ZBTB46: variants seen among roughly 807,000 people sequenced by gnomAD.
ZBTB46 encodes the protein zinc finger and BTB domain-containing protein 46.
ZBTB46 carries 8 observed loss-of-function variants against 44.1 expected under a neutral mutation model. The observed-to-expected ratio is 0.18, with a 90% CI of 0.11 to 0.33. ZBTB46 has a LOEUF of 0.33. Ranked by LOEUF, ZBTB46 falls within the 10% of genes least tolerant of loss-of-function variation. ZBTB46 has a pLI of 1.00. For missense variants in ZBTB46, 651 were observed against 847.7 expected, an observed-to-expected ratio of 0.77 and a Z score of 2.88; for synonymous variants, 409 against 382.3, an observed-to-expected ratio of 1.07 and a Z score of -0.81.
intron 3 of ZBTB46, among the ~76,000 whole-genome samples, chr20:63,757,654 G>A (rs2092233088): frequency 6.6e-6 from 1 of 152,122 alleles, no homozygotes; most frequent in African/African-American, 2.4e-5. Context: ...GATCACCTTA[G>A]CCATGTGTAG....
Position 63,747,262 on chromosome 20 carries a change from T to C in ZBTB46, c.1438A>G (p.Ser480Gly). The C allele has an allele frequency of 2.0e-6, 3 of 1,530,810 alleles. No individual in the cohort carries two copies. The highest frequency in any genetic ancestry group is 1.8e-6 in the Non-Finnish European group (2 of 1,139,904). 94.8% of individuals were successfully genotyped at this position (1,530,810 alleles called of 1,614,324 possible). The change falls in exon 5 of 5, where the codon AGC becomes GGC. Residue 480 changes from serine to glycine, a missense_variant. By Grantham distance (56) the Ser-to-Gly change is moderately conservative. Coordinates refer to ENST00000245663, the MANE Select transcript of ZBTB46 (RefSeq NM_001369741.1). ...KDKKYVCKVCSRVFMSAASVG... is the reference protein window; with the variant it reads ...KDKKYVCKVCGRVFMSAASVG... ...CTGGCGGCGGACATGAAGACGCGGC[T>C]GCACACCTTGCACACATACTTCTTG...
intron 4 of ZBTB46, among the ~76,000 whole-genome samples, chr20:63,750,665 G>A (rs2092151787): frequency 6.6e-6 from 1 of 152,078 alleles, no homozygotes; most frequent in African/African-American, 2.4e-5. Flanking sequence ...AGCACTTTGG[G>A]AAGCAGAGGC....
At chr20:63,813,724 G>C (rs914695102) in intron 1 of ZBTB46, among the ~76,000 whole-genome samples, 1 of 152,144 alleles carries the variant, frequency 6.6e-6, no homozygotes, top group Non-Finnish European at 1.5e-5. Context: ...CGCAACTTCA[G>C]GGACATCACC....
At chr20:63,747,322 G>A (rs538926016) in intron 4 of ZBTB46, 21 bp from the exon 5 acceptor site, 29 of 1,436,820 alleles carry the variant, frequency 2.0e-5, no homozygotes, top group Non-Finnish European at 2.7e-5. Flanking sequence ...AGGGCAGGGG[G>A]TGAGCAGGGC....
chr20:63,757,320 G>A (rs6010639), intron 3 of ZBTB46, among the ~76,000 whole-genome samples: 69,824 of 151,952 alleles, frequency 0.46, 17,280 homozygotes, highest in African/African-American at 0.63. Context: ...ACGCGGTTTC[G>A]CCATGTTGGC....
chr20:63,751,133 C>G (rs548748244), intron 4 of ZBTB46, among the ~76,000 whole-genome samples: 1 of 132,568 alleles, frequency 7.5e-6, no homozygotes, highest in Non-Finnish European at 1.6e-5. Flanking sequence ...CCCCTCCCCC[C>G]GCCCCCGCGG....
chr20:63,802,332 A>G (rs1489438777), intron 1 of ZBTB46, among the ~76,000 whole-genome samples: 1 of 152,092 alleles, frequency 6.6e-6, no homozygotes, highest in Non-Finnish European at 1.5e-5. Context: ...CTGAGGCACA[A>G]GAATCACTTG....
chr20:63,809,098 G>GGGA (rs1371802539), intron 1 of ZBTB46, among the ~76,000 whole-genome samples: 3 of 151,908 alleles, frequency 2.0e-5, no homozygotes, highest in Admixed American at 6.6e-5. Flanking sequence ...GCACTCAAGG[G>GGGA]GCTCTCCACG....
chr20:63,782,885 T>C (rs1043316052), intron 2 of ZBTB46, among the ~76,000 whole-genome samples: 16 of 152,246 alleles, frequency 1.1e-4, no homozygotes, highest in African/African-American at 3.6e-4. Flanking sequence ...GGAGGATCGC[T>C]AAGCCCAGGA....
chr20:63,807,463 G>C (rs1170123324), intron 1 of ZBTB46, among the ~76,000 whole-genome samples: 1 of 152,144 alleles, frequency 6.6e-6, no homozygotes, highest in East Asian at 1.9e-4. Context: ...TCCCACCTCA[G>C]CCTCCCCAGT....
rs144918303 is a variant in ZBTB46, at chr20:63,784,390, T to C, written c.937+5431A>G. 2.0e-5 allele frequency among the ~76,000 whole-genome samples: 3 copies of C among 152,356 alleles called. No homozygotes were observed. In the East Asian group the frequency reaches 5.8e-4, roughly 29 times the overall value. On this transcript the variant is annotated intron_variant, in intron 2 of 4. Coordinates refer to ENST00000245663, the MANE Select transcript of ZBTB46 (RefSeq NM_001369741.1). ...CCCCCATCTGGAGCTCCCGCAGTTC[T>C]GATGTACGCTTAAAAATCCCAACAT...
chr20:63,820,501 A>C (rs1260256219), intron 1 of ZBTB46, among the ~76,000 whole-genome samples: 1 of 151,306 alleles, frequency 6.6e-6, no homozygotes, highest in Non-Finnish European at 1.5e-5. Context: ...CAGTGGTGCA[A>C]TCTCGGCTCA....
chr20:63,777,208 G>A (rs187394163), intron 2 of ZBTB46, among the ~76,000 whole-genome samples: 2 of 152,152 alleles, frequency 1.3e-5, no homozygotes, highest in African/African-American at 4.8e-5. Flanking sequence ...CGTGGCTCAC[G>A]CTTCCAGTCC....
At chr20:63,819,615 G>A (rs1183608961) in intron 1 of ZBTB46, among the ~76,000 whole-genome samples, 1 of 152,162 alleles carries the variant, frequency 6.6e-6, no homozygotes, top group African/African-American at 2.4e-5. Flanking sequence ...AGTGTCCCAG[G>A]GGCCAGACCA....
intron 3 of ZBTB46, among the ~76,000 whole-genome samples, chr20:63,765,263 T>C (rs974722017): frequency 6.6e-6 from 1 of 152,122 alleles, no homozygotes; most frequent in African/African-American, 2.4e-5. Context: ...ACAATCTCTA[T>C]CTGTACACTG....
At chr20:63,791,413 G>A (rs1222026726) in intron 1 of ZBTB46, among the ~76,000 whole-genome samples, 7 of 147,894 alleles carry the variant, frequency 4.7e-5, no homozygotes, top group Non-Finnish European at 8.9e-5. Flanking sequence ...GGAGAATGGC[G>A]TGAACCCGGG....
At chr20:63,796,542 A>C (rs1487765904) in intron 1 of ZBTB46, among the ~76,000 whole-genome samples, 1 of 152,254 alleles carries the variant, frequency 6.6e-6, no homozygotes, top group Non-Finnish European at 1.5e-5. Context: ...AATTCTGCTT[A>C]AGGCCGAGTG....
In ZBTB46 at chr20:63,827,732, G is replaced by C. The variant is rs937086548; in HGVS notation, c.-34+3365C>G. Among the ~76,000 whole-genome samples, 3 of 151,818 alleles carry C rather than the reference G, an allele frequency of 2.0e-5. 1 individual carries two copies. The East Asian group carries it at 5.8e-4, about 29-fold the overall frequency. On this transcript the variant is annotated intron_variant, in intron 1 of 4. Coordinates refer to ENST00000245663, the MANE Select transcript of ZBTB46 (RefSeq NM_001369741.1). ...GCTATGGTAGCAAATTTTTAATCCA[G>C]ATAATGATGTTTAGAAGCATTTAAT...
chr20:63,766,659 A>T (rs2092323066), intron 3 of ZBTB46, among the ~76,000 whole-genome samples: 2 of 152,206 alleles, frequency 1.3e-5, no homozygotes, highest in South Asian at 2.1e-4. Flanking sequence ...CGACCCTCAC[A>T]GATGCCAGCA....
Sources: gnomAD v4.1 joint callset for allele counts (sites outside exome capture counted in the v4.1 genomes callset) on GRCh38, gnomAD v4.1.1 for gene constraint, MANE v1.5 for transcripts, NCBI Gene and HGNC (gene_info 2026-07-23, HGNC 2026-07-21) for gene names.